SRP72: variants seen among roughly 807,000 people sequenced by gnomAD.
SRP72 encodes the protein signal recognition particle subunit SRP72.
A neutral mutation model predicts 96.3 loss-of-function variants in SRP72; 49 were observed. That is an observed-to-expected ratio of 0.51 (90% confidence interval 0.40 to 0.65). The LOEUF (loss-of-function observed/expected upper bound fraction) is 0.65. Ranked by LOEUF, SRP72 falls within the 30% of genes least tolerant of loss-of-function variation. The pLI, the probability that SRP72 is intolerant of heterozygous loss-of-function variation, is 0.00. For missense variants in SRP72, 736 were observed against 793.3 expected, an observed-to-expected ratio of 0.93 and a Z score of 0.87; for synonymous variants, 267 against 275.2, an observed-to-expected ratio of 0.97 and a Z score of 0.30.
intron 6 of SRP72, chr4:56,477,251 A>G (rs1578180538): frequency 6.8e-6 from 1 of 147,248 alleles, no homozygotes; most frequent in East Asian, 2.0e-4. Flanking sequence ...AACATGATTT[A>G]CATTGAAATA....
chr4:56,486,145 C>A, intron 10 of SRP72, 180 bp from the exon 11 acceptor site: 1 of 507,202 alleles, frequency 2.0e-6, no homozygotes, highest in Non-Finnish European at 3.6e-6. Flanking sequence ...TAGAGCATAC[C>A]TTTAAGAAAA....
At position 56,467,654 on chromosome 4, in the gene SRP72, G is replaced by C. The variant is rs17524437; in HGVS notation, c.19G>C (p.Gly7Arg). 379 of 1,556,552 alleles carry C rather than the reference G, an allele frequency of 2.4e-4. No homozygotes were observed. The highest frequency in any genetic ancestry group is 3.2e-4 in the Non-Finnish European group (365 of 1,152,774). Residue 7 changes from glycine (G) to arginine (R), a missense_variant, in exon 1 of 19, where the codon GGG becomes CGG. Coordinates refer to ENST00000642900, the MANE Select transcript of SRP72 (RefSeq NM_006947.4). The part of the protein sequence containing the change: MASGGS[G>R]GVSVPALWSE... ...CTCCAAGATGGCGAGCGGCGGCAGC[G>C]GGGGGGTGTCAGTACCTGCGCTGTG...
At chr4:56,471,572 C>G in intron 2 of SRP72, 148 bp from the exon 3 acceptor site, 4 of 777,148 alleles carry the variant, frequency 5.1e-6, no homozygotes, top group Non-Finnish European at 5.8e-6. Context: ...CATTTACAAG[C>G]TATCTGATAT....
intron 17 of SRP72, among the ~76,000 whole-genome samples, chr4:56,496,794 C>T (rs1721083916): frequency 6.6e-6 from 1 of 152,148 alleles, no homozygotes; most frequent in Non-Finnish European, 1.5e-5. Flanking sequence ...TCGAGACCAG[C>T]CTGGCCAACC....
At chr4:56,474,598 C>G in intron 5 of SRP72, 1 of 584,714 alleles carries the variant, frequency 1.7e-6, no homozygotes, top group South Asian at 2.2e-5. Flanking sequence ...GGCTGGAGTA[C>G]AATGGCACGA....
Position 56,474,128 on chromosome 4 carries a change from T to C in SRP72, c.429T>C (p.Tyr143=), listed in dbSNP as rs1249661025. 1.9e-6 allele frequency: 3 copies of C among 1,614,190 alleles called. No individual in the cohort carries two copies. In the South Asian group the frequency reaches 3.3e-5, roughly 18 times the overall value. ...RDLVRNSQDD[Y]DEERKTNLSA... ...TCGTCCGAAACTCCCAAGATGATTA[T>C]GATGAGGAGAGGAAAACAAACCTTT... is the stretch of plus-strand genomic sequence containing the variant. Residue 143 remains tyrosine, a synonymous_variant, in exon 4 of 19, where the codon TAT becomes TAC. Coordinates refer to ENST00000642900, the MANE Select transcript of SRP72 (RefSeq NM_006947.4).
At chr4:56,481,768 C>CTTT (rs71194110) in intron 8 of SRP72, among the ~76,000 whole-genome samples, 1 of 122,614 alleles carries the variant, frequency 8.2e-6, no homozygotes, top group Non-Finnish European at 1.7e-5. Flanking sequence ...CTGTTGGCTC[C>CTTT]TTTTTTTTTT....
intron 6 of SRP72, 32 bp downstream of exon 6, chr4:56,476,734 T>G: frequency 1.2e-6 from 2 of 1,607,372 alleles, no homozygotes; most frequent in Non-Finnish European, 1.7e-6. Context: ...AACCTAAATT[T>G]TACACTTCTG....
At chr4:56,490,486 C>T in intron 14 of SRP72, 50 bp downstream of exon 14, 1 of 1,599,282 alleles carries the variant, frequency 6.3e-7, no homozygotes, top group Non-Finnish European at 8.6e-7. Context: ...ATTGTTGCTA[C>T]TTGATATGAG....
chr4:56,489,396 A>G lies in SRP72; in HGVS notation c.1233A>G (p.Ala411=), dbSNP rs758353140. Residue 411 remains alanine (A), a synonymous_variant, in exon 13 of 19, where the codon GCA becomes GCG. Coordinates refer to ENST00000642900, the MANE Select transcript of SRP72 (RefSeq NM_006947.4). ...TACCTTTGGCTGTGTAGGTATCTGC[A>G]TTAGTTACCATGTATAGCCATGAAG... is the stretch of plus-strand genomic sequence containing the variant. ...ELKHKPGMVS[A]LVTMYSHEED... is the part of the protein sequence containing the mutation. 1.3e-6 allele frequency: 2 copies of G among 1,588,490 alleles called. No individual in the cohort carries two copies. Among genetic ancestry groups the G allele is most frequent in the Non-Finnish European group, 1.7e-6 (2 of 1,161,538 alleles).
intron 5 of SRP72, chr4:56,476,194 G>A (rs1720215626): frequency 6.2e-6 from 1 of 161,360 alleles, no homozygotes; most frequent in South Asian, 1.7e-4. Flanking sequence ...AGGTGGGAGG[G>A]TCACTTGAGC....
intron 6 of SRP72, 161 bp downstream of exon 6, chr4:56,476,863 T>C (rs1332008104): frequency 3.0e-6 from 2 of 657,148 alleles, no homozygotes; most frequent in African/African-American, 3.7e-5. Flanking sequence ...TTTGATGAAG[T>C]CTACTAGAGT....
At chr4:56,473,220 G>T (rs1471593663) in intron 3 of SRP72, among the ~76,000 whole-genome samples, 1 of 152,034 alleles carries the variant, frequency 6.6e-6, no homozygotes, top group African/African-American at 2.4e-5. Flanking sequence ...CGCACTTGGG[G>T]AGGCCAAGGC....
At chr4:56,474,894 A>G (rs954555662) in intron 5 of SRP72, among the ~76,000 whole-genome samples, 3 of 152,210 alleles carry the variant, frequency 2.0e-5, no homozygotes, top group African/African-American at 7.2e-5. Context: ...CATGTTGGCC[A>G]GGCTAGTCTC....
chr4:56,491,640 T>C (rs1720912220), intron 16 of SRP72, 72 bp downstream of exon 16: 2 of 1,446,452 alleles, frequency 1.4e-6, no homozygotes, highest in East Asian at 2.3e-5. Context: ...TACATTCTCA[T>C]AGAAATTTCA....
chr4:56,489,305 AT>A (rs1383946442), intron 12 of SRP72, 82 bp from the exon 13 acceptor site: 3 of 675,882 alleles, frequency 4.4e-6, no homozygotes, highest in African/African-American at 3.6e-5. Flanking sequence ...TTTATTTGCT[AT>A]TTCTTCAGCG....
intron 17 of SRP72, 116 bp from the exon 18 acceptor site, chr4:56,500,420 A>G (rs551575444): frequency 1.7e-6 from 2 of 1,154,276 alleles, no homozygotes; most frequent in Non-Finnish European, 2.4e-6. Context: ...AAACTTTCTC[A>G]AATAAATTCA....
At chr4:56,489,746 C>T (rs1425633015) in intron 13 of SRP72, among the ~76,000 whole-genome samples, 3 of 152,088 alleles carry the variant, frequency 2.0e-5, no homozygotes, top group Non-Finnish European at 4.4e-5. Flanking sequence ...TGTATGTAAT[C>T]TCAAGAAATA....
intron 11 of SRP72, among the ~76,000 whole-genome samples, chr4:56,487,666 C>CCCCAG (rs1184097072): frequency 6.6e-6 from 1 of 152,158 alleles, no homozygotes; most frequent in Non-Finnish European, 1.5e-5. Flanking sequence ...ACTCAACAGA[C>CCCCAG]TGGGAGCTGG....
Sources: allele counts gnomAD v4.1 joint callset (sites outside exome capture counted in the v4.1 genomes callset), GRCh38; gene constraint gnomAD v4.1.1; transcripts MANE v1.5; gene names NCBI Gene and HGNC (gene_info 2026-07-23, HGNC 2026-07-21).